Variants in FBXL17 observed in about 807,000 individuals in gnomAD.
FBXL17 encodes F-box and leucine rich repeat protein 17.
In FBXL17, 22 loss-of-function variants were observed where a neutral mutation model predicts 66.2. The observed-to-expected ratio is 0.33, with a 90% CI of 0.24 to 0.47. The LOEUF is 0.47. FBXL17 is among the 20% of genes least tolerant of loss of function. FBXL17 has a pLI of 1.00. For missense variants in FBXL17, 878 were observed against 948.2 expected (o/e 0.93, Z 0.97); for synonymous variants, 474 against 400.5 (o/e 1.18, Z -2.19).
chr5:108,086,171 C>T (rs550232436), intron 6 of FBXL17, among the ~76,000 whole-genome samples: 2 of 151,828 alleles, frequency 1.3e-5, no homozygotes, highest in African/African-American at 4.8e-5. Flanking sequence ...AGAAGTCCTG[C>T]CCCATAATTC....
chr5:107,988,547 A>G (rs1395289588), intron 7 of FBXL17, among the ~76,000 whole-genome samples: 6 of 151,900 alleles, frequency 3.9e-5, no homozygotes, highest in Non-Finnish European at 1.5e-5. Context: ...AAATCATTCT[A>G]TTAAAATGAA....
chr5:108,180,561 T>C (rs966576209), intron 6 of FBXL17, among the ~76,000 whole-genome samples: 2 of 152,068 alleles, frequency 1.3e-5, no homozygotes, highest in Non-Finnish European at 2.9e-5. Flanking sequence ...CTCTAGTACA[T>C]AAAAAATAAA....
intron 4 of FBXL17, among the ~76,000 whole-genome samples, chr5:108,229,796 G>GA (rs1755248455): frequency 1.3e-5 from 2 of 152,112 alleles, no homozygotes; most frequent in Non-Finnish European, 2.9e-5. Flanking sequence ...AACAGTGGGA[G>GA]AAAATCTTCA....
chr5:108,333,458 C>CA (rs1008374950), intron 4 of FBXL17, among the ~76,000 whole-genome samples: 3 of 151,756 alleles, frequency 2.0e-5, no homozygotes, highest in African/African-American at 7.3e-5. Flanking sequence ...CAAGTAATTT[C>CA]AAAAAAACTC....
intron 6 of FBXL17, among the ~76,000 whole-genome samples, chr5:108,170,278 G>A (rs1752558107): frequency 6.6e-6 from 1 of 152,140 alleles, no homozygotes; most frequent in African/African-American, 2.4e-5. Context: ...AATGCTCCCA[G>A]ACATTAATAT....
intron 4 of FBXL17, among the ~76,000 whole-genome samples, chr5:108,303,141 T>A (rs1758668947): frequency 6.6e-6 from 1 of 151,840 alleles, no homozygotes; most frequent in South Asian, 2.1e-4. Flanking sequence ...TGTATATATA[T>A]AAAAATGTTT....
chr5:108,230,220 G>C (rs1013174303), intron 4 of FBXL17, among the ~76,000 whole-genome samples: 1 of 152,136 alleles, frequency 6.6e-6, no homozygotes, highest in Non-Finnish European at 1.5e-5. Context: ...CTACTACTGG[G>C]TATCTACCCA....
chr5:107,917,115 T>G (rs186660351), intron 7 of FBXL17, among the ~76,000 whole-genome samples: 1 of 152,294 alleles, frequency 6.6e-6, no homozygotes, highest in Admixed American at 6.5e-5. Flanking sequence ...CAAATATTAA[T>G]AGATTACTAC....
At chr5:108,041,911 G>A (rs1046429099) in intron 6 of FBXL17, among the ~76,000 whole-genome samples, 4 of 151,866 alleles carry the variant, frequency 2.6e-5, no homozygotes, top group African/African-American at 7.2e-5. Context: ...ATAATTCAGG[G>A]GTTTTTCTGA....
rs138470526 is a variant in FBXL17 at position 108,186,245 on chromosome 5, T to C, written c.1617A>G (p.Leu539=). 3,555 of 1,608,714 alleles carry C rather than the reference T, an allele frequency of 2.2e-3. 8 individuals carry two copies. The highest frequency in any genetic ancestry group is 4.5e-3 in the Middle Eastern group (27 of 6,022). The change falls in exon 6 of 9, where the codon CTA becomes CTG. Residue 539 remains leucine (L), a splice_region_variant and synonymous_variant. Coordinates refer to ENST00000542267, the MANE Select transcript of FBXL17 (RefSeq NM_001163315.3). The part of the protein sequence containing the change: ...TSKGVIHLTK[L]RNLSSLDLRH... ...GTAGGTCCAAGCTGGAAAGGTTTCT[T>C]AGCTAATGAGATAAATAAAATGAAA...
intron 4 of FBXL17, among the ~76,000 whole-genome samples, chr5:108,226,338 T>G (rs544871709): frequency 1.3e-5 from 2 of 152,322 alleles, no homozygotes; most frequent in Admixed American, 1.3e-4. Context: ...ATAAATGAAT[T>G]TTTTTCCTTC....
intron 4 of FBXL17, among the ~76,000 whole-genome samples, chr5:108,239,117 G>A (rs972180530): frequency 2.6e-5 from 4 of 151,972 alleles, no homozygotes; most frequent in South Asian, 2.1e-4. Context: ...GTACAGTAGC[G>A]CGATCATACC....
Position 108,381,166 on chromosome 5 carries a change from C to T in FBXL17, c.526G>A (p.Val176Met). 1.4e-6 allele frequency: 2 copies of T among 1,426,270 alleles called. No individual in the cohort carries two copies. The highest frequency in any genetic ancestry group is 1.4e-5 in the South Asian group (1 of 70,606). 88.4% of individuals were successfully genotyped at this position (1,426,270 alleles called of 1,614,324 possible). A position where few individuals can be genotyped will look rare whatever the true frequency, so the allele number is the denominator to read the frequency against. The change falls in exon 1 of 9, where the codon GTG (valine) becomes ATG (methionine). Residue 176 changes from valine (V) to methionine (M), a missense_variant. Physicochemically the swap from Val to Met is conservative, Grantham distance 21. This residue lies in a region of FBXL17 where 605 missense variants were observed against 509.5 expected (regional missense o/e 1.19). Transcript: ENST00000542267. ...PVRFLGPPAAVQLFRGPTPSP... is the reference protein window; with the variant it reads ...PVRFLGPPAAMQLFRGPTPSP... ...GGTGTCGGCCCCCGGAAGAGCTGCA[C>T]GGCGGCGGGCGGCCCCAGGAAGCGC...
At chr5:107,968,080 C>A (rs1752224080) in intron 7 of FBXL17, among the ~76,000 whole-genome samples, 1 of 152,068 alleles carries the variant, frequency 6.6e-6, no homozygotes, top group South Asian at 2.1e-4. Flanking sequence ...AGTTTTAAAA[C>A]TAGACTTGAT....
At chr5:108,201,853 TAAA>T (rs55995911) in intron 5 of FBXL17, among the ~76,000 whole-genome samples, 3 of 129,466 alleles carry the variant, frequency 2.3e-5, no homozygotes, top group Non-Finnish European at 3.3e-5. Context: ...AATTTGAAAG[TAAA>T]AAAAAAAAAA....
At chr5:108,143,128 C>T (rs1432273526) in intron 6 of FBXL17, among the ~76,000 whole-genome samples, 2 of 151,804 alleles carry the variant, frequency 1.3e-5, no homozygotes, top group South Asian at 2.1e-4. Flanking sequence ...TGAAACCAAC[C>T]GCTCCCCGAC....
At chr5:108,129,546 A>C (rs1339798829) in intron 6 of FBXL17, among the ~76,000 whole-genome samples, 1 of 152,066 alleles carries the variant, frequency 6.6e-6, no homozygotes, top group East Asian at 1.9e-4. Flanking sequence ...ATTTAACCTT[A>C]ATATTTTCTA....
In FBXL17 at chr5:108,093,663, T is replaced by C. The variant is rs368193163; in HGVS notation, c.1746-72662A>G. 2.6e-5 allele frequency among the ~76,000 whole-genome samples: 4 copies of C among 152,228 alleles called. No individual in the cohort carries two copies. The East Asian group carries it at 5.8e-4, about 22-fold the overall frequency. On this transcript the variant is annotated intron_variant, in intron 6 of 8. Coordinates refer to ENST00000542267, the MANE Select transcript of FBXL17 (RefSeq NM_001163315.3). Reference sequence around the variant, plus strand: ...AATTCTACACTGACAGTTTTTAACATCTTCTGATTTAGTCATTTTATTGCA... The same window carrying C: ...AATTCTACACTGACAGTTTTTAACACCTTCTGATTTAGTCATTTTATTGCA...
chr5:108,089,864 G>A (rs140428620), intron 6 of FBXL17, among the ~76,000 whole-genome samples: 28 of 152,116 alleles, frequency 1.8e-4, no homozygotes, highest in African/African-American at 6.3e-4. Flanking sequence ...GTCTCACTTT[G>A]TCACCCAGGC....
Sources: gnomAD v4.1 joint callset for allele counts (sites outside exome capture counted in the v4.1 genomes callset) on GRCh38, gnomAD v4.1.1 for gene constraint, gnomAD v4.1.1 regional missense constraint, MANE v1.5 for transcripts, NCBI Gene and HGNC (gene_info 2026-07-23, HGNC 2026-07-21) for gene names.